SLC7A5: variants seen among roughly 807,000 people sequenced by gnomAD.
The protein encoded by SLC7A5 is solute carrier family 7 member 5.
SLC7A5 carries 23 observed loss-of-function variants against 50.2 expected under a neutral mutation model. The observed-to-expected ratio is 0.46, with a 90% confidence interval of 0.33 to 0.65. The LOEUF is 0.65. SLC7A5 is among the 30% of genes least tolerant of loss of function. The pLI, the probability that SLC7A5 is intolerant of heterozygous loss-of-function variation, is 0.02. For missense variants in SLC7A5, 578 were observed against 684.4 expected, an observed-to-expected ratio of 0.84 and a Z score of 1.73; for synonymous variants, 393 against 330.6, an observed-to-expected ratio of 1.19 and a Z score of -2.05.
At chr16:87,851,701 T>A (rs751059472) in intron 2 of SLC7A5, 23 bp downstream of exon 2, 3 of 1,603,512 alleles carry the variant, frequency 1.9e-6, no homozygotes, top group Non-Finnish European at 2.6e-6. Context: ...GGGCCGCCGG[T>A]GGGGCCTGGG....
At chr16:87,868,280 A>G (rs1054533672) in intron 1 of SLC7A5, among the ~76,000 whole-genome samples, 6 of 152,266 alleles carry the variant, frequency 3.9e-5, no homozygotes, top group Admixed American at 2.0e-4. Context: ...ACTGCAACAC[A>G]GACTGAATCT....
chr16:87,867,890 C>G (rs1008954807), intron 1 of SLC7A5, among the ~76,000 whole-genome samples: 5 of 151,966 alleles, frequency 3.3e-5, no homozygotes, highest in African/African-American at 7.3e-5. Context: ...CCGAGGCGGG[C>G]GGATCACAAG....
intron 2 of SLC7A5, among the ~76,000 whole-genome samples, chr16:87,850,231 C>T (rs2055203195): frequency 6.6e-6 from 1 of 152,198 alleles, no homozygotes; most frequent in East Asian, 1.9e-4. Context: ...GTTCAGTTCA[C>T]AGCCCACCAG....
intron 1 of SLC7A5, among the ~76,000 whole-genome samples, chr16:87,866,311 T>C (rs897096718): frequency 7.2e-5 from 11 of 152,094 alleles, no homozygotes; most frequent in Non-Finnish European, 1.5e-4. Context: ...AAGCATACAC[T>C]GTCAGCCGCA....
In SLC7A5 at chr16:87,869,396, G is replaced by C. The variant is rs2055505416; in HGVS notation, c.27C>G (p.Arg9=). 6.5e-7 allele frequency: 1 copy of C among 1,536,346 alleles called. No individual in the cohort carries two copies. The highest frequency in any genetic ancestry group is 8.7e-7 in the Non-Finnish European group (1 of 1,147,628). The change falls in exon 1 of 10, where the codon CGC becomes CGG. Residue 9 remains arginine, a synonymous_variant. Transcript: ENST00000261622. MAGAGPKR[R]ALAAPAAEEK... ...CCTCGGCCGCCGGCGCCGCTAGCGC[G>C]CGCCGCTTCGGGCCCGCACCCGCCA...
At position 87,861,707 on chromosome 16, in the gene SLC7A5, T is replaced by C. The variant is rs2055400496; in HGVS notation, c.538+7178A>G. 6.6e-6 allele frequency among the ~76,000 whole-genome samples: 1 copy of C among 152,182 alleles called. No homozygotes were observed. The highest frequency in any genetic ancestry group is 2.4e-5 in the African/African-American group (1 of 41,458). On this transcript the variant is annotated intron_variant, in intron 1 of 9. Coordinates refer to ENST00000261622, the MANE Select transcript of SLC7A5 (RefSeq NM_003486.7). The surrounding 1 kb of genome is among the most constrained non-coding windows in gnomAD (Gnocchi z 4.2). The stretch of plus-strand genomic sequence containing the variant: ...CACCCTTCTGTGTGAAGGCGGCTGA[T>C]ACACATTTCTGGGCAAGATTCTGCA...
intron 8 of SLC7A5, 89 bp from the exon 9 acceptor site, chr16:87,834,680 C>G (rs770675013): frequency 1.5e-6 from 2 of 1,354,480 alleles, no homozygotes; most frequent in Non-Finnish European, 2.1e-6. Context: ...CCTGGGCCCT[C>G]CACACCCACG....
chr16:87,859,494 A>G (rs2143817688), intron 1 of SLC7A5, among the ~76,000 whole-genome samples: 1 of 152,330 alleles, frequency 6.6e-6, no homozygotes, highest in Non-Finnish European at 1.5e-5. Context: ...AAGCCCCGTA[A>G]CTGACTAAAG....
Position 87,833,946 on chromosome 16 carries a change from C to G in SLC7A5, c.1468+468G>C, listed in dbSNP as rs1240851017. Among the ~76,000 whole-genome samples, 1 of 151,808 alleles carries G rather than the reference C, an allele frequency of 6.6e-6. No homozygotes were observed. Among genetic ancestry groups the G allele is most frequent in the Non-Finnish European group, 1.5e-5 (1 of 67,922 alleles). ...TCGGCTCACTGCAACCTCCGTCTCC[C>G]GGGTTCAAGTGATTCTCCTGCCTCA... On this transcript the variant is annotated intron_variant, in intron 9 of 9. Transcript: ENST00000261622. This position sits in a 1 kb window ranked among gnomAD's most constrained non-coding sequence, Gnocchi z 6.0.
In SLC7A5 at chr16:87,840,443, C is replaced by G; in HGVS notation, c.801G>C (p.Met267Ile). ...CTTGCACGTACCTGTAGGGGTTGATCATTTCCTCTGTGACGAAATTCAAGT... is the reference window on the plus strand; with the variant it reads ...CTTGCACGTACCTGTAGGGGTTGATGATTTCCTCTGTGACGAAATTCAAGT... ...WNYLNFVTEE[M>I]INPYRNLPLA... The change falls in exon 4 of 10, where the codon ATG becomes ATC. Residue 267 changes from methionine to isoleucine, a missense_variant. Met to Ile is a conservative substitution (Grantham distance 10). This residue lies in a region of SLC7A5 where 465 missense variants were observed against 594.6 expected (regional missense o/e 0.78). Coordinates refer to ENST00000261622, the MANE Select transcript of SLC7A5 (RefSeq NM_003486.7). 6.2e-7 allele frequency: 1 copy of G among 1,612,690 alleles called. No homozygotes were observed. Among genetic ancestry groups the G allele is most frequent in the African/African-American group, 1.3e-5 (1 of 75,034 alleles).
At chr16:87,864,509 C>T (rs1411396566) in intron 1 of SLC7A5, among the ~76,000 whole-genome samples, 2 of 152,130 alleles carry the variant, frequency 1.3e-5, no homozygotes, top group African/African-American at 4.8e-5. Context: ...ACATCCACTG[C>T]CCTTCTCCGA....
In SLC7A5 at chr16:87,835,592, A is replaced by G. The variant is rs537534335; in HGVS notation, c.1290+906T>C. 3.3e-5 allele frequency among the ~76,000 whole-genome samples: 5 copies of G among 151,982 alleles called. No homozygotes were observed. In the East Asian group the frequency reaches 9.7e-4, roughly 29 times the overall value. On this transcript the variant is annotated intron_variant, in intron 8 of 9. Coordinates refer to ENST00000261622, the MANE Select transcript of SLC7A5 (RefSeq NM_003486.7). ...AGGTTCATGCCATTCTCCTGCCTCCACCTCCCGAGTAGCTGCAACTATAGG... is the reference window on the plus strand; with the variant it reads ...AGGTTCATGCCATTCTCCTGCCTCCGCCTCCCGAGTAGCTGCAACTATAGG...
intron 1 of SLC7A5, among the ~76,000 whole-genome samples, chr16:87,858,162 C>T (rs2055343985): frequency 6.6e-6 from 1 of 152,222 alleles, no homozygotes; most frequent in African/African-American, 2.4e-5. Context: ...TGCTGAAATG[C>T]TGTGTGAACT....
In SLC7A5 at chr16:87,838,821, G is replaced by C. The variant is rs765704290; in HGVS notation, c.940-4C>G. ...CCAGGTGATAGTTCCCGAAGTCCTAGGCAGGCACAACCAGTGAGCTGGGCC... is the reference window on the plus strand; with the variant it reads ...CCAGGTGATAGTTCCCGAAGTCCTACGCAGGCACAACCAGTGAGCTGGGCC... On this transcript the variant is annotated splice_region_variant and splice_polypyrimidine_tract_variant and intron_variant, in intron 5 of 9. Coordinates refer to ENST00000261622, the MANE Select transcript of SLC7A5 (RefSeq NM_003486.7). 1 of 1,612,228 alleles carries C rather than the reference G, an allele frequency of 6.2e-7. No individual in the cohort carries two copies. Among genetic ancestry groups the C allele is most frequent in the Non-Finnish European group, 8.5e-7 (1 of 1,178,506 alleles).
chr16:87,837,652 T>A, intron 7 of SLC7A5, 193 bp downstream of exon 7: 1 of 583,154 alleles, frequency 1.7e-6, no homozygotes, highest in Non-Finnish European at 3.1e-6. Context: ...GCAGCCACCA[T>A]ATATTATTTT....
intron 2 of SLC7A5, among the ~76,000 whole-genome samples, chr16:87,848,243 G>C (rs2055178033): frequency 6.6e-6 from 1 of 152,256 alleles, no homozygotes; most frequent in Non-Finnish European, 1.5e-5. Flanking sequence ...TATCCAATCT[G>C]TAACTGTTCA....
chr16:87,839,898 G>T, intron 4 of SLC7A5, 73 bp from the exon 5 acceptor site: 1 of 1,600,296 alleles, frequency 6.2e-7, no homozygotes, highest in Non-Finnish European at 8.5e-7. Context: ...CCAGGAGCCA[G>T]GTGGGCTCCT....
chr16:87,868,828 G>C, intron 1 of SLC7A5, 57 bp downstream of exon 1: 1 of 1,511,572 alleles, frequency 6.6e-7, no homozygotes, highest in South Asian at 1.2e-5. Context: ...GTGATGCAAG[G>C]ATGCAGGGAC....
rs2055375120 is a variant in SLC7A5 at position 87,860,304 on chromosome 16, G to C, written c.539-8455C>G. Among the ~76,000 whole-genome samples, 1 of 136,024 alleles carries C rather than the reference G, an allele frequency of 7.4e-6. No homozygotes were observed. The highest frequency in any genetic ancestry group is 1.5e-5 in the Non-Finnish European group (1 of 65,840). 89.2% of individuals were successfully genotyped at this position (136,024 alleles called of 152,430 possible). On this transcript the variant is annotated intron_variant, in intron 1 of 9. Coordinates refer to ENST00000261622, the MANE Select transcript of SLC7A5 (RefSeq NM_003486.7). The surrounding 1 kb of genome is among the most constrained non-coding windows in gnomAD (Gnocchi z 4.8). ...ACTGAGATCATACCACTGCACTCCA[G>C]CCCGAGTAACAAAAGCATCTCAAAA...
Sources: allele counts gnomAD v4.1 joint callset (sites outside exome capture counted in the v4.1 genomes callset), GRCh38; gene constraint gnomAD v4.1.1; regional missense constraint gnomAD v4.1.1; non-coding constraint Gnocchi (gnomAD v3.1); transcripts MANE v1.5; gene names NCBI Gene and HGNC (gene_info 2026-07-23, HGNC 2026-07-21).